Variants in GNG12 observed in about 807,000 individuals in gnomAD.
GNG12 encodes G protein subunit gamma 12.
For missense variants in GNG12, 69 were observed against 83.8 expected (o/e 0.82, Z 0.69); for synonymous variants, 28 against 29.7 (o/e 0.94, Z 0.19).
intron 2 of GNG12, among the ~76,000 whole-genome samples, chr1:67,773,335 T>C (rs1004506690): frequency 2.0e-5 from 3 of 152,148 alleles, no homozygotes; most frequent in Non-Finnish European, 4.4e-5. Context: ...AGTCAGCAAA[T>C]ATCTCATTCT....
chr1:67,746,648 G>A (rs1385784497), intron 2 of GNG12, among the ~76,000 whole-genome samples: 1 of 152,128 alleles, frequency 6.6e-6, no homozygotes, highest in East Asian at 1.9e-4. Flanking sequence ...AAAAAATACT[G>A]TTCTAAAAAT....
chr1:67,787,162 A>C (rs1368266072), intron 1 of GNG12, among the ~76,000 whole-genome samples: 1 of 151,790 alleles, frequency 6.6e-6, no homozygotes, highest in African/African-American at 2.4e-5. Context: ...AATCGCAGTA[A>C]GTACAACTAA....
At chr1:67,823,674 A>G (rs1361400621) in intron 1 of GNG12, among the ~76,000 whole-genome samples, 5 of 152,216 alleles carry the variant, frequency 3.3e-5, no homozygotes, top group Non-Finnish European at 7.3e-5. Flanking sequence ...TGACACTTTT[A>G]TGGCCATTGG....
At chr1:67,740,604 T>C (rs1241633458) in intron 2 of GNG12, among the ~76,000 whole-genome samples, 1 of 152,236 alleles carries the variant, frequency 6.6e-6, no homozygotes, top group Non-Finnish European at 1.5e-5. Context: ...TTACTACATA[T>C]ATAATTGCTA....
chr1:67,748,319 G>A (rs1013631270), intron 2 of GNG12, among the ~76,000 whole-genome samples: 2 of 152,166 alleles, frequency 1.3e-5, no homozygotes, highest in Admixed American at 1.3e-4. Context: ...AGAGTTTGGT[G>A]GCTACCAATC....
At position 67,833,444 on chromosome 1, in the gene GNG12, T is replaced by A; in HGVS notation, c.-177A>T. ...CTCCTCCTCCTCCTCCTCTTGCTCC[T>A]CCGGGCGCCGGCTCCGCCTCGCTGG... On this transcript the variant is annotated 5_prime_UTR_variant, in exon 1 of 4. Coordinates refer to ENST00000370982, the MANE Select transcript of GNG12 (RefSeq NM_018841.6). 5.1e-6 allele frequency: 5 copies of A among 984,900 alleles called. No homozygotes were observed. In the South Asian group the frequency reaches 2.4e-4, roughly 46 times the overall value. 61.0% of individuals were successfully genotyped at this position (984,900 alleles called of 1,614,324 possible).
Position 67,705,513 on chromosome 1 carries a change from G to A in GNG12, c.157C>T (p.Leu53=). 1 of 1,614,132 alleles carries A rather than the reference G, an allele frequency of 6.2e-7. No individual in the cohort carries two copies. Among genetic ancestry groups the A allele is most frequent in the South Asian group, 1.1e-5 (1 of 91,070 alleles). Residue 53 remains leucine, a synonymous_variant, in exon 4 of 4, where the codon CTG becomes TTG. Coordinates refer to ENST00000370982, the MANE Select transcript of GNG12 (RefSeq NM_018841.6). ...TTTTCTGAAGTTGGTATTCCTATCAGCAAAGGGTCACTCCTGGCATGTTCC... is the reference window on the plus strand; with the variant it reads ...TTTTCTGAAGTTGGTATTCCTATCAACAAAGGGTCACTCCTGGCATGTTCC... The part of the protein sequence containing the change: ...CEEHARSDPL[L]IGIPTSENPF...
chr1:67,810,937 T>C (rs2100808850), intron 1 of GNG12, among the ~76,000 whole-genome samples: 1 of 152,316 alleles, frequency 6.6e-6, no homozygotes, highest in South Asian at 2.1e-4. Context: ...AACAGGTAGT[T>C]AGTGTTAACA....
chr1:67,827,308 C>G (rs1647016581), intron 1 of GNG12, among the ~76,000 whole-genome samples: 1 of 152,182 alleles, frequency 6.6e-6, no homozygotes, highest in Admixed American at 6.6e-5. Context: ...ACTTATTATA[C>G]AATCAATGAA....
intron 2 of GNG12, among the ~76,000 whole-genome samples, chr1:67,708,423 G>C (rs1646262446): frequency 1.3e-5 from 2 of 152,094 alleles, no homozygotes; most frequent in South Asian, 4.1e-4. Flanking sequence ...TCCCTCCTTT[G>C]ACCTCTCCCT....
chr1:67,773,808 C>T, intron 2 of GNG12, among the ~76,000 whole-genome samples: 1 of 152,088 alleles, frequency 6.6e-6, no homozygotes, highest in East Asian at 1.9e-4. Context: ...AACTAAAATG[C>T]CAAGGCTCAG....
At chr1:67,775,644 T>C (rs1404132099) in intron 2 of GNG12, among the ~76,000 whole-genome samples, 1 of 152,236 alleles carries the variant, frequency 6.6e-6, no homozygotes, top group Admixed American at 6.5e-5. Flanking sequence ...GGCAGGCATA[T>C]ATCGCCTTTA....
intron 2 of GNG12, among the ~76,000 whole-genome samples, chr1:67,757,303 A>G (rs894907871): frequency 1.3e-5 from 2 of 152,220 alleles, no homozygotes; most frequent in African/African-American, 4.8e-5. Context: ...GTCAGTGCTC[A>G]AAAAATTTCT....
intron 2 of GNG12, among the ~76,000 whole-genome samples, chr1:67,755,518 A>T (rs919481740): frequency 2.0e-5 from 3 of 152,216 alleles, no homozygotes; most frequent in African/African-American, 7.2e-5. Flanking sequence ...AAGAGCCAGC[A>T]TCGTCTTCCG....
At chr1:67,724,215 A>C (rs1330177052) in intron 2 of GNG12, among the ~76,000 whole-genome samples, 1 of 152,182 alleles carries the variant, frequency 6.6e-6, no homozygotes, top group Non-Finnish European at 1.5e-5. Context: ...GAGAGGGCAG[A>C]AGGGGATGAG....
At chr1:67,832,911 G>A (rs1647057200) in intron 1 of GNG12, among the ~76,000 whole-genome samples, 1 of 152,230 alleles carries the variant, frequency 6.6e-6, no homozygotes, top group Non-Finnish European at 1.5e-5. Flanking sequence ...CCACGGCTGG[G>A]AACACTGGGG....
chr1:67,713,180 T>C (rs1294658602), intron 2 of GNG12, among the ~76,000 whole-genome samples: 1 of 152,190 alleles, frequency 6.6e-6, no homozygotes, highest in East Asian at 1.9e-4. Flanking sequence ...GAAGTTAGCA[T>C]CTGCAGATCT....
chr1:67,755,104 C>T (rs956701043), intron 2 of GNG12, among the ~76,000 whole-genome samples: 2 of 152,236 alleles, frequency 1.3e-5, no homozygotes, highest in African/African-American at 4.8e-5. Flanking sequence ...ATCTGTCCGC[C>T]TTGGCGTTGT....
intron 2 of GNG12, among the ~76,000 whole-genome samples, chr1:67,737,778 A>T (rs1646460631): frequency 6.6e-6 from 1 of 152,182 alleles, no homozygotes; most frequent in Non-Finnish European, 1.5e-5. Context: ...TGGTGCCATT[A>T]CATTTAAGAC....
Sources: allele counts gnomAD v4.1 joint callset (sites outside exome capture counted in the v4.1 genomes callset), GRCh38; gene constraint gnomAD v4.1.1; transcripts MANE v1.5; gene names NCBI Gene and HGNC (gene_info 2026-07-23, HGNC 2026-07-21).